Variants in TENM1 observed in about 807,000 individuals in gnomAD.
The protein encoded by TENM1 is teneurin-1.
Under a neutral mutation model 174.8 loss-of-function variants are expected in TENM1, and 35 were observed. That is an observed-to-expected ratio of 0.20 (90% confidence interval 0.15 to 0.27). TENM1 has a LOEUF of 0.27. Ranked by LOEUF, TENM1 falls within the 10% of genes least tolerant of loss-of-function variation. The pLI, the probability that TENM1 is intolerant of heterozygous loss-of-function variation, is 1.00. For synonymous variants in TENM1, 781 were observed against 798.7 expected, an observed-to-expected ratio of 0.98 and a Z score of 0.37; for missense variants, 1,633 against 2,130.1, an observed-to-expected ratio of 0.77 and a Z score of 4.59.
intron 12 of TENM1, 84 bp from the exon 16 acceptor site, chrX:124,563,856 T>A: frequency 1.5e-5 from 14 of 919,747 alleles, no homozygotes; most frequent in Non-Finnish European, 2.1e-5. Flanking sequence ...TACCATCTGT[T>A]GCCTGGGAGG....
At chrX:124,474,081 C>T (rs1183979680) in intron 22 of TENM1, among the ~76,000 whole-genome samples, 1 of 111,244 alleles carries the variant, frequency 9.0e-6, no homozygotes, top group Non-Finnish European at 1.9e-5. Context: ...CTCAGATTGA[C>T]CTACAAGGAC....
chrX:124,681,640 G>A (rs1284663289), intron 5 of TENM1, among the ~76,000 whole-genome samples: 1 of 111,139 alleles, frequency 9.0e-6, no homozygotes, highest in African/African-American at 3.3e-5. Context: ...TAAAGAGCAG[G>A]GACTCTGGAG....
intron 3 of TENM1, among the ~76,000 whole-genome samples, chrX:124,831,746 T>C (rs112980801): frequency 3.7e-3 from 411 of 111,778 alleles, no homozygotes; most frequent in African/African-American, 0.013. Flanking sequence ...TATTGCATTA[T>C]TAAAATTGTG....
At position 124,497,008 on chromosome X, in the gene TENM1, A is replaced by T; in HGVS notation, c.3695+8T>A. 8.3e-7 allele frequency: 1 copy of T among 1,208,072 alleles called. No individual in the cohort carries two copies. The highest frequency in any genetic ancestry group is 1.1e-6 in the Non-Finnish European group (1 of 892,612). ...TAAGCAAATATATAGAGATTAGAGA[A>T]GACTTACCTTAATTCCAAAATACTA... On this transcript the variant is annotated splice_region_variant and intron_variant, in intron 20 of 31. Transcript: ENST00000422452.
intron 8 of TENM1, 133 bp downstream of exon 11, chrX:124,651,781 G>A: frequency 3.2e-6 from 3 of 939,608 alleles, no homozygotes. Flanking sequence ...TTTTATCATA[G>A]TAACCTTTCC....
chrX:124,392,371 A>G, intron 27 of TENM1, 23 bp from the exon 31 acceptor site: 1 of 1,126,383 alleles, frequency 8.9e-7, no homozygotes, highest in Non-Finnish European at 1.2e-6. Context: ...GATATGAAAT[A>G]CATTTTAAGC....
At chrX:125,184,244 A>G in the TENM1 span, among the ~76,000 whole-genome samples, 10 of 112,108 alleles carry the variant, frequency 8.9e-5, no homozygotes, top group Non-Finnish European at 1.9e-4. Context: ...AGTAAGACTA[A>G]CATTTTCCAC....
At chrX:124,899,595 C>A (rs546933977) in intron 1 of TENM1, among the ~76,000 whole-genome samples, 1 of 111,526 alleles carries the variant, frequency 9.0e-6, no homozygotes, top group African/African-American at 3.3e-5. Flanking sequence ...TGAGTGCATA[C>A]GTCTTTATGG....
intron 22 of TENM1, 93 bp from the exon 26 acceptor site, chrX:124,453,584 C>G: frequency 8.2e-6 from 7 of 856,169 alleles, no homozygotes; most frequent in Non-Finnish European, 8.2e-6. Context: ...AATGGAAAGG[C>G]ATTTTAAAGA....
chrX:124,511,099 T>C (rs1216822966), intron 18 of TENM1, among the ~76,000 whole-genome samples: 1 of 112,233 alleles, frequency 8.9e-6, no homozygotes, highest in Admixed American at 9.4e-5. Context: ...ACAACTCATA[T>C]CCTACATTAA....
the TENM1 span, among the ~76,000 whole-genome samples, chrX:125,158,362 C>T: frequency 2.5e-4 from 24 of 95,133 alleles, no homozygotes; most frequent in Middle Eastern, 5.8e-3. Context: ...AAGATCATGC[C>T]ACTGCAGTCC....
intron 5 of TENM1, among the ~76,000 whole-genome samples, chrX:124,702,572 A>T (rs746338573): frequency 3.4e-4 from 38 of 112,444 alleles, no homozygotes; most frequent in Non-Finnish European, 6.8e-4. Context: ...TGAATTTGTA[A>T]TTTAATAAGA....
the TENM1 span, among the ~76,000 whole-genome samples, chrX:125,051,479 T>C: frequency 9.1e-6 from 1 of 110,429 alleles, no homozygotes. Flanking sequence ...CAGCATGGTC[T>C]TGGTACCAAA....
At chrX:124,545,498 A>G (rs1023613091) in intron 15 of TENM1, among the ~76,000 whole-genome samples, 4 of 111,801 alleles carry the variant, frequency 3.6e-5, no homozygotes, top group Non-Finnish European at 7.5e-5. Context: ...CATGTCATGG[A>G]GGTTGTTATT....
At chrX:124,611,637 T>A (rs1201904180) in intron 11 of TENM1, among the ~76,000 whole-genome samples, 1 of 111,400 alleles carries the variant, frequency 9.0e-6, no homozygotes, top group Non-Finnish European at 1.9e-5. Flanking sequence ...ACCAATAATG[T>A]TTTTCAGGAT....
At chrX:125,090,021 C>T in the TENM1 span, among the ~76,000 whole-genome samples, 1 of 111,651 alleles carries the variant, frequency 9.0e-6, no homozygotes, top group Non-Finnish European at 1.9e-5. Flanking sequence ...CCACATTACA[C>T]AAAAGCCTCA....
chrX:125,075,776 T>G, the TENM1 span, among the ~76,000 whole-genome samples: 3 of 111,301 alleles, frequency 2.7e-5, no homozygotes, highest in Non-Finnish European at 5.7e-5. Context: ...TTTAACCCAA[T>G]TTGTTTGACA....
chrX:125,021,158 T>G, the TENM1 span, among the ~76,000 whole-genome samples: 13 of 111,040 alleles, frequency 1.2e-4, no homozygotes, highest in South Asian at 4.2e-3. Flanking sequence ...TTATGTGAAC[T>G]TTTTGCGAGG....
chrX:124,532,570 T>C (rs186238475), intron 15 of TENM1, among the ~76,000 whole-genome samples: 186 of 111,824 alleles, frequency 1.7e-3, no homozygotes, highest in Non-Finnish European at 2.9e-3. Context: ...TAATGACTCA[T>C]CAAAGTCATC....
Sources: gnomAD v4.1 joint callset for allele counts (sites outside exome capture counted in the v4.1 genomes callset) on GRCh38, gnomAD v4.1.1 for gene constraint, MANE v1.5 for transcripts, NCBI Gene and HGNC (gene_info 2026-07-23, HGNC 2026-07-21) for gene names.